The following EYA1 variants were observed in gnomAD, a reference collection of about 807,000 sequenced individuals.
EYA1 encodes protein phosphatase EYA1.
In EYA1, 16 loss-of-function variants were observed where a neutral mutation model predicts 82.0. That is an observed-to-expected ratio of 0.20 (90% CI 0.13 to 0.30). EYA1 has a LOEUF of 0.30. Ranked by LOEUF, EYA1 falls within the 10% of genes least tolerant of loss-of-function variation. The pLI, the probability that EYA1 is intolerant of heterozygous loss-of-function variation, is 1.00. For missense variants in EYA1, 633 were observed against 730.7 expected (o/e 0.87, Z 1.54); for synonymous variants, 261 against 264.4 (o/e 0.99, Z 0.12).
intron 2 of EYA1, among the ~76,000 whole-genome samples, chr8:71,447,741 A>G (rs1807003449): frequency 6.6e-6 from 1 of 152,226 alleles, no homozygotes; most frequent in African/African-American, 2.4e-5. Flanking sequence ...TAAAAGCATT[A>G]TGTCTAATAA....
intron 2 of EYA1, among the ~76,000 whole-genome samples, chr8:71,426,275 T>C (rs888926785): frequency 2.6e-5 from 4 of 152,150 alleles, no homozygotes; most frequent in Non-Finnish European, 1.5e-5. Context: ...ACAAGCAAAG[T>C]AGAATTATCG....
At chr8:71,287,805 A>G (rs1272205133) in intron 9 of EYA1, among the ~76,000 whole-genome samples, 1 of 152,246 alleles carries the variant, frequency 6.6e-6, no homozygotes, top group Non-Finnish European at 1.5e-5. Context: ...GCATGCAGCA[A>G]GCATTGATAA....
In EYA1 at chr8:71,242,992, G is replaced by A. The variant is rs143893060; in HGVS notation, c.1140+1611C>T. 6.8e-3 allele frequency among the ~76,000 whole-genome samples: 1,032 copies of A among 151,988 alleles called. 12 individuals are homozygous for A. Among genetic ancestry groups the A allele is most frequent in the African/African-American group, 0.023 (962 of 41,442 alleles). On this transcript the variant is annotated intron_variant, in intron 12 of 17. Coordinates refer to ENST00000340726, the MANE Select transcript of EYA1 (RefSeq NM_000503.6). Reference sequence around the variant, plus strand: ...GGGGTTTCTCCATGTTGGTCGGGATGGTCTCGAACTCCCAACCTCAGGTGA... The same window carrying A: ...GGGGTTTCTCCATGTTGGTCGGGATAGTCTCGAACTCCCAACCTCAGGTGA...
intron 2 of EYA1, chr8:71,448,961 T>C (rs374934969): frequency 4.8e-5 from 8 of 165,668 alleles, no homozygotes; most frequent in African/African-American, 1.7e-4. Context: ...TCTTCTTGCC[T>C]TATGTCATGA....
chr8:71,329,340 A>T (rs781461810), intron 4 of EYA1, among the ~76,000 whole-genome samples: 11 of 152,078 alleles, frequency 7.2e-5, no homozygotes, highest in Non-Finnish European at 1.0e-4. Context: ...AATTTTCTTA[A>T]TTTCATATTC....
chr8:71,248,459 G>A (rs746950016), intron 11 of EYA1, among the ~76,000 whole-genome samples: 37 of 152,170 alleles, frequency 2.4e-4, no homozygotes, highest in South Asian at 8.3e-4. Context: ...TCACTGTGTG[G>A]ATATACTCTG....
chr8:71,334,831 GCAGA>G (rs1360208583), intron 3 of EYA1, among the ~76,000 whole-genome samples: 5 of 152,330 alleles, frequency 3.3e-5, no homozygotes, highest in South Asian at 2.1e-4. Context: ...AGTATTGATA[GCAGA>G]CAGTTTGTGA....
intron 6 of EYA1, among the ~76,000 whole-genome samples, chr8:71,321,114 A>G (rs1175206382): frequency 6.6e-6 from 1 of 152,196 alleles, no homozygotes; most frequent in African/African-American, 2.4e-5. Context: ...ATTTACAGGT[A>G]TTGACCCATA....
intron 2 of EYA1, among the ~76,000 whole-genome samples, chr8:71,418,717 G>A (rs1830986808): frequency 6.6e-6 from 1 of 152,134 alleles, no homozygotes; most frequent in Non-Finnish European, 1.5e-5. Flanking sequence ...TAGGTGTTGG[G>A]GATCTTCTGG....
At chr8:71,475,285 C>T (rs911371770) in intron 2 of EYA1, among the ~76,000 whole-genome samples, 8 of 152,106 alleles carry the variant, frequency 5.3e-5, no homozygotes, top group Admixed American at 1.3e-4. Flanking sequence ...TGAAAATGTT[C>T]CGAAGAGGTA....
chr8:71,443,926 A>G (rs896714736), intron 2 of EYA1, among the ~76,000 whole-genome samples: 2 of 152,214 alleles, frequency 1.3e-5, no homozygotes, highest in African/African-American at 4.8e-5. Context: ...TACAAATACC[A>G]ATGAACTTAA....
intron 2 of EYA1, among the ~76,000 whole-genome samples, chr8:71,519,019 C>T (rs1191685834): frequency 1.3e-5 from 2 of 152,100 alleles, no homozygotes; most frequent in African/African-American, 4.8e-5. Flanking sequence ...CCATTTATAT[C>T]TTAATGTACT....
In EYA1 at chr8:71,397,716, T is replaced by G. The variant is rs143741759; in HGVS notation, c.34-41205A>C. ...ACCCAACCTTTCTCTCTGGCTGCCC[T>G]TAACATTTTTTCCCTCATTTCAACT... On this transcript the variant is annotated intron_variant, in intron 2 of 18. Transcript: ENST00000643681. Among the ~76,000 whole-genome samples, 302 of 152,320 alleles carry G rather than the reference T, an allele frequency of 2.0e-3. 1 individual carries two copies. Among genetic ancestry groups the G allele is most frequent in the African/African-American group, 6.8e-3 (281 of 41,564 alleles).
intron 3 of EYA1, among the ~76,000 whole-genome samples, chr8:71,339,850 C>T (rs1824921073): frequency 6.6e-6 from 1 of 152,102 alleles, no homozygotes; most frequent in African/African-American, 2.4e-5. Context: ...TCTCTTCTCC[C>T]CCATGTATTG....
In EYA1 at chr8:71,473,267, C is replaced by A. The variant is rs189316631; in HGVS notation, c.33+62477G>T. 1.8e-4 allele frequency among the ~76,000 whole-genome samples: 28 copies of A among 151,668 alleles called. No homozygotes were observed. The East Asian group carries it at 4.8e-3, about 26-fold the overall frequency. The stretch of plus-strand genomic sequence containing the variant: ...AATTATCATCAGAATGAACAGGCAA[C>A]CTACAGAATGGGAGAAAATTTTTGC... On this transcript the variant is annotated intron_variant, in intron 2 of 18. Coordinates refer to the EYA1 transcript ENST00000643681.
intron 12 of EYA1, among the ~76,000 whole-genome samples, chr8:71,242,880 T>C (rs961887798): frequency 7.3e-5 from 11 of 150,748 alleles, no homozygotes; most frequent in Non-Finnish European, 1.6e-4. Context: ...CGGGCTCAAG[T>C]GATTCTCCTG....
At chr8:71,343,480 G>A (rs1825376923) in intron 3 of EYA1, among the ~76,000 whole-genome samples, 1 of 152,250 alleles carries the variant, frequency 6.6e-6, no homozygotes, top group East Asian at 1.9e-4. Context: ...TGGTTTATCA[G>A]GAGAGGGAAA....
chr8:71,446,304 G>A (rs1311096599), intron 2 of EYA1, among the ~76,000 whole-genome samples: 1 of 152,044 alleles, frequency 6.6e-6, no homozygotes, highest in Non-Finnish European at 1.5e-5. Flanking sequence ...ATGTTCTCAT[G>A]ATAGTGAGTG....
At chr8:71,414,428 T>C (rs921497449) in intron 2 of EYA1, among the ~76,000 whole-genome samples, 1 of 152,348 alleles carries the variant, frequency 6.6e-6, no homozygotes, top group East Asian at 1.9e-4. Flanking sequence ...TCATTTCCGG[T>C]GTACCCAAGT....
Sources: gnomAD v4.1 joint callset for allele counts (sites outside exome capture counted in the v4.1 genomes callset) on GRCh38, gnomAD v4.1.1 for gene constraint, MANE v1.5 for transcripts, NCBI Gene and HGNC (gene_info 2026-07-23, HGNC 2026-07-21) for gene names.